Variants in ACOT7 observed in about 807,000 individuals in gnomAD.
ACOT7 encodes the protein acyl-CoA thioesterase 7.
In ACOT7, 12 loss-of-function variants were observed where a neutral mutation model predicts 40.2. That is an observed-to-expected ratio of 0.30 (90% CI 0.19 to 0.48). The LOEUF (loss-of-function observed/expected upper bound fraction) is 0.48. Ranked by LOEUF, ACOT7 falls within the 20% of genes least tolerant of loss-of-function variation. ACOT7 has a pLI of 0.99. For missense variants in ACOT7, 395 were observed against 530.8 expected, an observed-to-expected ratio of 0.74 and a Z score of 2.51; for synonymous variants, 228 against 219.5, an observed-to-expected ratio of 1.04 and a Z score of -0.34.
chr1:6,373,345 G>A (rs1642168848), intron 1 of ACOT7, among the ~76,000 whole-genome samples: 1 of 152,006 alleles, frequency 6.6e-6, no homozygotes, highest in Non-Finnish European at 1.5e-5. Flanking sequence ...CTGCCTCCCA[G>A]GTTCAAGTGA....
intron 2 of ACOT7, among the ~76,000 whole-genome samples, chr1:6,339,832 C>G (rs995132249): frequency 1.1e-4 from 16 of 151,280 alleles, no homozygotes; most frequent in South Asian, 2.1e-4. Context: ...CTCAGCCTCC[C>G]GGGTTCACGA....
At position 6,308,719 on chromosome 1, in the gene ACOT7, G is replaced by A. The variant is rs554161313; in HGVS notation, c.712+9773C>T. On this transcript the variant is annotated intron_variant, in intron 6 of 8. Transcript: ENST00000361521. ...GGAACAGCCACAGGCAGAGGGAACC[G>A]CAACCAGGCAGAGAGAACCATGACC... Among the ~76,000 whole-genome samples, 18 of 151,456 alleles carry A rather than the reference G, an allele frequency of 1.2e-4. 1 individual carries two copies. The highest frequency in any genetic ancestry group is 3.6e-4 in the African/African-American group (15 of 41,282).
intron 1 of ACOT7, among the ~76,000 whole-genome samples, chr1:6,374,548 C>T (rs951084381): frequency 2.6e-5 from 4 of 152,208 alleles, no homozygotes; most frequent in Non-Finnish European, 5.9e-5. Flanking sequence ...AGATCAAGCA[C>T]CACAACCTGC....
At position 6,306,034 on chromosome 1, in the gene ACOT7, C is replaced by T. The variant is rs1288563750; in HGVS notation, c.713-11054G>A. 1.3e-5 allele frequency among the ~76,000 whole-genome samples: 2 copies of T among 152,064 alleles called. No individual in the cohort carries two copies. The highest frequency in any genetic ancestry group is 1.9e-4 in the East Asian group (1 of 5,178). On this transcript the variant is annotated intron_variant, in intron 6 of 8. Transcript: ENST00000361521. This position sits in a 1 kb window ranked among gnomAD's most constrained non-coding sequence, Gnocchi z 4.3. ...AAACCCCGTCTCCACCAAAAAAATA[C>T]GAAAACCAGTCAGGCGTGGCGGCGC...
chr1:6,284,712 G>A (rs1026940102), intron 7 of ACOT7, among the ~76,000 whole-genome samples: 3 of 151,612 alleles, frequency 2.0e-5, no homozygotes, highest in East Asian at 3.9e-4. Context: ...CTGCAGCATC[G>A]AGGCCTCCCT....
Position 6,275,026 on chromosome 1 carries a change from C to A in ACOT7, c.1014+6076G>T, listed in dbSNP as rs1038881450. Among the ~76,000 whole-genome samples the A allele has an allele frequency of 6.6e-6, 1 of 152,200 alleles. No individual in the cohort carries two copies. Among genetic ancestry groups the A allele is most frequent in the Non-Finnish European group, 1.5e-5 (1 of 68,036 alleles). On this transcript the variant is annotated intron_variant, in intron 8 of 8. Transcript: ENST00000361521. The surrounding 1 kb of genome is among the most constrained non-coding windows in gnomAD (Gnocchi z 5.6). ...GGCCTGCTGGCCGTGCGACCCCTGG[C>A]GAGTGACTCCCTGCCTGGTGCCCGC...
At chr1:6,308,588 T>C (rs551906977) in intron 6 of ACOT7, among the ~76,000 whole-genome samples, 4 of 128,954 alleles carry the variant, frequency 3.1e-5, no homozygotes, top group African/African-American at 1.2e-4. Context: ...GAACTACAAC[T>C]GGGCAGAGGG....
chr1:6,298,203 T>C (rs1255539629), intron 6 of ACOT7, among the ~76,000 whole-genome samples: 3 of 152,122 alleles, frequency 2.0e-5, no homozygotes, highest in African/African-American at 7.2e-5. Context: ...GGTGCAACCT[T>C]GGCTCACTGC....
chr1:6,299,150 C>T lies in ACOT7; in HGVS notation c.713-4170G>A, dbSNP rs144985748. ...GGTGACCTTGGGCAGGCAGGTTGCC[C>T]TCCCTGAGCCGTGGGCTCAGTGTCT... On this transcript the variant is annotated intron_variant, in intron 6 of 8. Coordinates refer to ENST00000361521, the MANE Select transcript of ACOT7 (RefSeq NM_007274.4). The surrounding 1 kb of genome is among the most constrained non-coding windows in gnomAD (Gnocchi z 4.1). 0.01 allele frequency among the ~76,000 whole-genome samples: 1,532 copies of T among 152,348 alleles called. 17 individuals carry two copies. Among genetic ancestry groups the T allele is most frequent in the Non-Finnish European group, 0.016 (1,062 of 68,030 alleles).
At position 6,264,712 on chromosome 1, in the gene ACOT7, G is replaced by C; in HGVS notation, c.1015-17C>G. 1.2e-6 allele frequency: 2 copies of C among 1,611,274 alleles called. No individual in the cohort carries two copies. Among genetic ancestry groups the C allele is most frequent in the South Asian group, 1.1e-5 (1 of 90,922 alleles). On this transcript the variant is annotated splice_polypyrimidine_tract_variant and intron_variant, in intron 8 of 8. Transcript: ENST00000361521. ...GGTCTCGGGCTGTGGACCACACACAGAGACAGGCAGGTTAGGGTCACTGCA... is the reference window on the plus strand; with the variant it reads ...GGTCTCGGGCTGTGGACCACACACACAGACAGGCAGGTTAGGGTCACTGCA...
In ACOT7 at chr1:6,352,887, T is replaced by A. The variant is rs1641634050; in HGVS notation, c.144-3021A>T. 6.6e-6 allele frequency among the ~76,000 whole-genome samples: 1 copy of A among 151,650 alleles called. No homozygotes were observed. The highest frequency in any genetic ancestry group is 2.4e-5 in the African/African-American group (1 of 41,246). ...CTTCATGTTCCTCTTTACTATTTTG[T>A]TTGTTTTTTGAGACAGCGTCTCATT... is the stretch of plus-strand genomic sequence containing the variant. On this transcript the variant is annotated intron_variant, in intron 1 of 8. Coordinates refer to ENST00000361521, the MANE Select transcript of ACOT7 (RefSeq NM_007274.4). This position sits in a 1 kb window ranked among gnomAD's most constrained non-coding sequence, Gnocchi z 4.5.
chr1:6,317,493 T>C (rs1450181164), intron 6 of ACOT7, among the ~76,000 whole-genome samples: 2 of 152,146 alleles, frequency 1.3e-5, no homozygotes, highest in East Asian at 3.9e-4. Context: ...CTGTACTTAC[T>C]GGGAAAAAAT....
At chr1:6,333,803 C>A (rs1641026747) in intron 3 of ACOT7, among the ~76,000 whole-genome samples, 1 of 152,042 alleles carries the variant, frequency 6.6e-6, no homozygotes, top group African/African-American at 2.4e-5. Flanking sequence ...ACAAGAGACC[C>A]CAGAGCCCAT....
intron 7 of ACOT7, among the ~76,000 whole-genome samples, chr1:6,286,858 G>C (rs1001931614): frequency 2.0e-5 from 3 of 152,246 alleles, no homozygotes; most frequent in Admixed American, 2.0e-4. Flanking sequence ...GCCCAGGACA[G>C]TAATTTGGGG....
chr1:6,284,576 CAAAAA>C (rs561943319), intron 7 of ACOT7, among the ~76,000 whole-genome samples: 1 of 57,980 alleles, frequency 1.7e-5, no homozygotes. Flanking sequence ...AACTCCATCT[CAAAAA>C]AAAAAAAAAA....
chr1:6,386,004 T>TGGGGCCAC, intron 1 of ACOT7, among the ~76,000 whole-genome samples: 1 of 152,156 alleles, frequency 6.6e-6, no homozygotes, highest in Admixed American at 6.5e-5. Context: ...GCAACACTCA[T>TGGGGCCAC]AAGGGTTCCC....
At chr1:6,363,121 C>T (rs1489441473) in intron 1 of ACOT7, among the ~76,000 whole-genome samples, 1 of 152,150 alleles carries the variant, frequency 6.6e-6, no homozygotes, top group Non-Finnish European at 1.5e-5. Context: ...GCTCTATAAT[C>T]ATAACCTAGG....
intron 1 of ACOT7, among the ~76,000 whole-genome samples, chr1:6,360,987 T>A (rs971813920): frequency 6.6e-6 from 1 of 152,278 alleles, no homozygotes; most frequent in South Asian, 2.1e-4. Flanking sequence ...CTATTTCCCA[T>A]CTAGTAAATT....
intron 1 of ACOT7, among the ~76,000 whole-genome samples, chr1:6,390,457 A>G (rs1642515106): frequency 1.3e-5 from 2 of 151,772 alleles, no homozygotes; most frequent in Non-Finnish European, 2.9e-5. Context: ...CTGTAGTCCC[A>G]GCTACTCGGG....
Sources: gnomAD v4.1 joint callset for allele counts (sites outside exome capture counted in the v4.1 genomes callset) on GRCh38, gnomAD v4.1.1 for gene constraint, Gnocchi (gnomAD v3.1) non-coding constraint, MANE v1.5 for transcripts, NCBI Gene and HGNC (gene_info 2026-07-23, HGNC 2026-07-21) for gene names.